The following SLC7A5 variants were observed in gnomAD, a reference collection of about 807,000 sequenced individuals.
SLC7A5 encodes the protein large neutral amino acids transporter small subunit 1.
A neutral mutation model predicts 50.2 loss-of-function variants in SLC7A5; 23 were observed. The observed-to-expected ratio is 0.46, with a 90% CI of 0.33 to 0.65. The LOEUF is 0.65. Ranked by LOEUF, SLC7A5 falls within the 30% of genes least tolerant of loss-of-function variation. The pLI is 0.02. For missense variants in SLC7A5, 578 were observed against 684.4 expected (o/e 0.84, Z 1.73); for synonymous variants, 393 against 330.6 (o/e 1.19, Z -2.05).
In SLC7A5 at chr16:87,853,778, G is replaced by A. The variant is rs2055271059; in HGVS notation, c.539-1929C>T. On this transcript the variant is annotated intron_variant, in intron 1 of 9. Transcript: ENST00000261622. The surrounding 1 kb of genome is among the most constrained non-coding windows in gnomAD (Gnocchi z 4.4). ...GCTCATTCATGCCCGGAGGGAGGCG[G>A]GGAGTGGGTGTGGCCAAGCCGCACT... 1 of 152,204 alleles carries A rather than the reference G, an allele frequency of 6.6e-6. No individual in the cohort carries two copies. The highest frequency in any genetic ancestry group is 2.1e-4 in the South Asian group (1 of 4,830). The allele number at this position is 152,204 out of a possible 1,614,324, so 9.4% of individuals were successfully genotyped here.
Position 87,869,085 on chromosome 16 carries a change from G to A in SLC7A5, c.338C>T (p.Ser113Leu). ...CAGCATGTAGGCGTAGTCGCCGCCC[G>A]ATTTGGAGATGGTGGTGCCGAGCTC... ...YAELGTTISK[S>L]GGDYAYMLEV... is the part of the protein sequence containing the mutation. Residue 113 changes from serine to leucine, a missense_variant, in exon 1 of 10, where the codon TCG becomes TTG. By Grantham distance (145) the Ser-to-Leu change is moderately radical. This residue lies in a region of SLC7A5 where 465 missense variants were observed against 594.6 expected (regional missense o/e 0.78). Coordinates refer to ENST00000261622, the MANE Select transcript of SLC7A5 (RefSeq NM_003486.7). The A allele has an allele frequency of 6.2e-7, 1 of 1,611,838 alleles. No homozygotes were observed. The highest frequency in any genetic ancestry group is 8.5e-7 in the Non-Finnish European group (1 of 1,179,772).
At position 87,846,119 on chromosome 16, in the gene SLC7A5, C is replaced by T. The variant is rs112791802; in HGVS notation, c.665-4964G>A. On this transcript the variant is annotated intron_variant, in intron 2 of 9. Coordinates refer to ENST00000261622, the MANE Select transcript of SLC7A5 (RefSeq NM_003486.7). ...AAGTACCCACCCTTGGGGCAGCCAA[C>T]GCCGCAGCCCTGGCTCCAGGCCCAG... is the stretch of plus-strand genomic sequence containing the variant. 6.1e-3 allele frequency among the ~76,000 whole-genome samples: 926 copies of T among 152,354 alleles called. 8 individuals carry two copies. The highest frequency in any genetic ancestry group is 0.021 in the African/African-American group (882 of 41,588).
At chr16:87,855,007 CCATA>C (rs1271566283) in intron 1 of SLC7A5, among the ~76,000 whole-genome samples, 2 of 152,234 alleles carry the variant, frequency 1.3e-5, no homozygotes, top group Admixed American at 6.5e-5. Flanking sequence ...ACAGCCCTGG[CCATA>C]CCCAGAGCCA....
chr16:87,855,474 A>C (rs1023036902), intron 1 of SLC7A5, among the ~76,000 whole-genome samples: 4 of 151,602 alleles, frequency 2.6e-5, no homozygotes, highest in African/African-American at 9.7e-5. Context: ...CACGCACAGC[A>C]CCCCCACAAC....
At chr16:87,834,687 C>T (rs1372166948) in intron 8 of SLC7A5, 96 bp from the exon 9 acceptor site, 1 of 1,304,780 alleles carries the variant, frequency 7.7e-7, no homozygotes, top group African/African-American at 1.5e-5. Flanking sequence ...CCTCCACACC[C>T]ACGGCTGCTG....
At chr16:87,842,705 G>A (rs1010916727) in intron 2 of SLC7A5, among the ~76,000 whole-genome samples, 9 of 152,178 alleles carry the variant, frequency 5.9e-5, no homozygotes, top group Non-Finnish European at 1.0e-4. Flanking sequence ...CCGCCACCCT[G>A]CCCTGCTGAG....
Position 87,840,316 on chromosome 16 carries a change from G to A in SLC7A5, c.815+113C>T, listed in dbSNP as rs1444931751. The A allele has an allele frequency of 4.1e-6, 4 of 977,596 alleles. No homozygotes were observed. The East Asian group carries it at 7.3e-5, about 18-fold the overall frequency. 60.6% of individuals were successfully genotyped at this position (977,596 alleles called of 1,614,324 possible). On this transcript the variant is annotated intron_variant, in intron 4 of 9. Transcript: ENST00000261622. Reference sequence around the variant, plus strand: ...GCTGGCCCCAGAGGCCCCAATCACGGCCCGACTGTGAACTGGCCTGAGCCG... The same window carrying A: ...GCTGGCCCCAGAGGCCCCAATCACGACCCGACTGTGAACTGGCCTGAGCCG...
intron 1 of SLC7A5, among the ~76,000 whole-genome samples, chr16:87,864,517 C>T (rs982118444): frequency 3.9e-5 from 6 of 152,140 alleles, no homozygotes; most frequent in Admixed American, 3.3e-4. Flanking sequence ...TGCCCTTCTC[C>T]GAGCTGAAGT....
At position 87,861,864 on chromosome 16, in the gene SLC7A5, A is replaced by G. The variant is rs764237320; in HGVS notation, c.538+7021T>C. On this transcript the variant is annotated intron_variant, in intron 1 of 9. Coordinates refer to ENST00000261622, the MANE Select transcript of SLC7A5 (RefSeq NM_003486.7). This position sits in a 1 kb window ranked among gnomAD's most constrained non-coding sequence, Gnocchi z 4.2. Reference sequence around the variant, plus strand: ...CTACGGCCTTGCCCCGAATCCCGTGATGCAGCGTGACCTGCCTAGGTGCCG... The same window carrying G: ...CTACGGCCTTGCCCCGAATCCCGTGGTGCAGCGTGACCTGCCTAGGTGCCG... Among the ~76,000 whole-genome samples the G allele has an allele frequency of 2.0e-5, 3 of 152,208 alleles. No homozygotes were observed. Among genetic ancestry groups the G allele is most frequent in the Non-Finnish European group, 4.4e-5 (3 of 68,032 alleles).
Position 87,841,020 on chromosome 16 carries a change from A to G in SLC7A5, c.770+30T>C. The G allele has an allele frequency of 6.7e-7, 1 of 1,503,288 alleles. No individual in the cohort carries two copies. Among genetic ancestry groups the G allele is most frequent in the South Asian group, 1.1e-5 (1 of 88,824 alleles). The allele number at this position is 1,503,288 out of a possible 1,614,324, so 93.1% of individuals were successfully genotyped here. Reference sequence around the variant, plus strand: ...CACGTCAGGGACTGTATGTCCCCAGACCAAGGGACCCAGACATTCCAGAAC... The same window carrying G: ...CACGTCAGGGACTGTATGTCCCCAGGCCAAGGGACCCAGACATTCCAGAAC... On this transcript the variant is annotated intron_variant, in intron 3 of 9. Transcript: ENST00000261622. This position sits in a 1 kb window ranked among gnomAD's most constrained non-coding sequence, Gnocchi z 4.8.
At position 87,834,516 on chromosome 16, in the gene SLC7A5, C is replaced by A. The variant is rs199533734; in HGVS notation, c.1366G>T (p.Val456Leu). ...LIAVSFWKTP[V>L]ECGIGFTIIL... is the part of the protein sequence containing the mutation. ...ATGGTGAAGCCGATGCCACACTCCA[C>A]GGGTGTCTTCCAGAAGGAGACGGCG... Residue 456 changes from valine (V) to leucine (L), a missense_variant, in exon 9 of 10, where the codon GTG becomes TTG. Physicochemically the swap from Val to Leu is conservative, Grantham distance 32. Around this residue, in one of 2 missense-constraint regions of SLC7A5, gnomAD observed 465 missense variants for 594.6 expected, o/e 0.78. Transcript: ENST00000261622. 3.8e-6 allele frequency: 6 copies of A among 1,595,616 alleles called. No individual in the cohort carries two copies. In the East Asian group the frequency reaches 1.1e-4, roughly 30 times the overall value.
rs1255370556 is a variant in SLC7A5 at position 87,832,243 on chromosome 16, C to T, written c.*727G>A. On this transcript the variant is annotated 3_prime_UTR_variant, in exon 10 of 10. Coordinates refer to ENST00000261622, the MANE Select transcript of SLC7A5 (RefSeq NM_003486.7). The surrounding 1 kb of genome is among the most constrained non-coding windows in gnomAD (Gnocchi z 4.6). ...GAGGCCACACTGCCCAGAGGCCAGGCCTGGTGAGCTAGGGGAGATGCCGGC... is the reference window on the plus strand; with the variant it reads ...GAGGCCACACTGCCCAGAGGCCAGGTCTGGTGAGCTAGGGGAGATGCCGGC... The T allele has an allele frequency of 6.6e-6, 1 of 152,304 alleles. No homozygotes were observed. Among genetic ancestry groups the T allele is most frequent in the Admixed American group, 6.5e-5 (1 of 15,284 alleles). The allele number at this position is 152,304 out of a possible 1,614,324, so 9.4% of individuals were successfully genotyped here.
intron 1 of SLC7A5, among the ~76,000 whole-genome samples, chr16:87,863,153 G>T (rs1409856633): frequency 1.3e-5 from 2 of 152,218 alleles, no homozygotes; most frequent in African/African-American, 4.8e-5. Context: ...GCTTGGAGAA[G>T]TGACTGAGAC....
intron 8 of SLC7A5, 69 bp downstream of exon 8, chr16:87,836,429 G>A: frequency 6.4e-7 from 1 of 1,567,826 alleles, no homozygotes; most frequent in South Asian, 1.1e-5. Flanking sequence ...TCCCAACTCA[G>A]GGTCCTTAGG....
intron 1 of SLC7A5, among the ~76,000 whole-genome samples, chr16:87,864,346 C>T (rs937739335): frequency 1.3e-5 from 2 of 152,090 alleles, no homozygotes; most frequent in Non-Finnish European, 2.9e-5. Flanking sequence ...CTTTCTATGG[C>T]TTTTCACTGC....
rs2143795503 is a variant in SLC7A5, at chr16:87,853,875, G to C, written c.539-2026C>G. The stretch of plus-strand genomic sequence containing the variant: ...GAACTCCAGACACCAGACAGGCGCT[G>C]CGGAGACACTGAGCACTGCCCTCGC... On this transcript the variant is annotated intron_variant, in intron 1 of 9. Transcript: ENST00000261622. This position sits in a 1 kb window ranked among gnomAD's most constrained non-coding sequence, Gnocchi z 4.4. The C allele has an allele frequency of 6.6e-6, 1 of 152,316 alleles. No individual in the cohort carries two copies. The highest frequency in any genetic ancestry group is 2.1e-4 in the South Asian group (1 of 4,824). 9.4% of individuals were successfully genotyped at this position (152,316 alleles called of 1,614,324 possible).
intron 1 of SLC7A5, among the ~76,000 whole-genome samples, chr16:87,864,940 G>C (rs958935778): frequency 2.0e-5 from 3 of 152,202 alleles, no homozygotes; most frequent in Non-Finnish European, 4.4e-5. Flanking sequence ...TAAAGGTAAA[G>C]GGATCAGGCC....
chr16:87,836,065 G>C (rs1202847752), intron 8 of SLC7A5, among the ~76,000 whole-genome samples: 1 of 152,232 alleles, frequency 6.6e-6, no homozygotes, highest in Non-Finnish European at 1.5e-5. Flanking sequence ...ATGAGCCGCT[G>C]GGGACGGGGA....
In SLC7A5 at chr16:87,861,084, C is replaced by A. The variant is rs975602558; in HGVS notation, c.538+7801G>T. Among the ~76,000 whole-genome samples the A allele has an allele frequency of 6.6e-6, 1 of 152,194 alleles. No homozygotes were observed. The highest frequency in any genetic ancestry group is 6.5e-5 in the Admixed American group (1 of 15,294). ...TGCCACAGGGCCTCTGGGGAGCGTG[C>A]GGGCACACAGTACCAATCTGCATGC... On this transcript the variant is annotated intron_variant, in intron 1 of 9. Transcript: ENST00000261622. This position sits in a 1 kb window ranked among gnomAD's most constrained non-coding sequence, Gnocchi z 4.2.
Sources: gnomAD v4.1 joint callset for allele counts (sites outside exome capture counted in the v4.1 genomes callset) on GRCh38, gnomAD v4.1.1 for gene constraint, gnomAD v4.1.1 regional missense constraint, Gnocchi (gnomAD v3.1) non-coding constraint, MANE v1.5 for transcripts, NCBI Gene and HGNC (gene_info 2026-07-23, HGNC 2026-07-21) for gene names.